Variants in WDR36 observed in about 807,000 individuals in gnomAD.
WDR36 encodes the protein WD repeat-containing protein 36.
In WDR36, 63 loss-of-function variants were observed where a neutral mutation model predicts 112.7. The observed-to-expected ratio is 0.56, with a 90% confidence interval of 0.46 to 0.69. The LOEUF is 0.69. Ranked by LOEUF, WDR36 falls within the 30% of genes least tolerant of loss-of-function variation. The pLI, the probability that WDR36 is intolerant of heterozygous loss-of-function variation, is 0.00. For synonymous variants in WDR36, 410 were observed against 362.2 expected, an observed-to-expected ratio of 1.13 and a Z score of -1.50; for missense variants, 1,226 against 1,070.3, an observed-to-expected ratio of 1.15 and a Z score of -2.03.
Position 111,119,014 on chromosome 5 carries a change from C to T in WDR36, c.1798C>T (p.Leu600Phe). The T allele has an allele frequency of 6.2e-7, 1 of 1,611,378 alleles. No individual in the cohort carries two copies. ...IRTWDLPSGCLIDCFLLDSAP... is the reference protein window; with the variant it reads ...IRTWDLPSGCFIDCFLLDSAP... ...TTAACATGTTAATTATTTCTGTAGC[C>T]TTATAGACTGCTTTTTGTTGGACTC... Residue 600 changes from leucine to phenylalanine, a missense_variant and splice_region_variant, in exon 17 of 23, where the codon CTT becomes TTT. Transcript: ENST00000513710.
Position 111,123,836 on chromosome 5 carries a change from T to A in WDR36, c.2180T>A (p.Val727Glu). The A allele has an allele frequency of 6.2e-7, 1 of 1,613,916 alleles. No individual in the cohort carries two copies. Among genetic ancestry groups the A allele is most frequent in the South Asian group, 1.1e-5 (1 of 91,084 alleles). The part of the protein sequence containing the change: ...KKNKPKEPPK[V>E]PKSAPFFIPT... ...AATAAACCAAAGGAACCACCCAAAG[T>A]ACCCAAATCAGCACCATTTTTCATT... is the stretch of plus-strand genomic sequence containing the variant. Residue 727 changes from valine to glutamate, a missense_variant, in exon 20 of 23, where the codon GTA becomes GAA. Transcript: ENST00000513710.
rs776521620 is a variant in WDR36 at position 111,098,805 on chromosome 5, T to C, written c.375T>C (p.Asp125=). The C allele has an allele frequency of 5.0e-6, 8 of 1,611,972 alleles. No homozygotes were observed. Among genetic ancestry groups the C allele is most frequent in the Middle Eastern group, 1.6e-4 (1 of 6,076 alleles). The change falls in exon 4 of 23, where the codon GAT becomes GAC. Residue 125 remains aspartate, a synonymous_variant. Transcript: ENST00000513710. The stretch of plus-strand genomic sequence containing the variant: ...ACCACATTATCTCTGTTGATACTGA[T>C]GGCATTCTTATTATTTGGCACATAT... ...FGDHIISVDT[D]GILIIWHIYS...
In WDR36 at chr5:111,106,073, G is replaced by T; in HGVS notation, c.1110G>T (p.Lys370Asn). ...KSLGHGLINK[K>N]RVKRKGLQNT... ...CATCCTTAGGATTAATAAATAAAAA[G>T]AGAGTTAAACGTAAAGGACTTCAGA... Residue 370 changes from lysine (K) to asparagine (N), a missense_variant, in exon 11 of 23, where the codon AAG (lysine) becomes AAT (asparagine). Lys to Asn is a moderately conservative substitution (Grantham distance 94). Transcript: ENST00000513710. 1 of 1,609,346 alleles carries T rather than the reference G, an allele frequency of 6.2e-7. No homozygotes were observed. The highest frequency in any genetic ancestry group is 8.5e-7 in the Non-Finnish European group (1 of 1,176,586).
rs191350620 is a variant in WDR36 at position 111,130,096 on chromosome 5, G to A, written c.*3213G>A. 2 of 210,080 alleles carry A rather than the reference G, an allele frequency of 9.5e-6. No individual in the cohort carries two copies. The highest frequency in any genetic ancestry group is 1.9e-4 in the South Asian group (1 of 5,328). 13.0% of individuals were successfully genotyped at this position (210,080 alleles called of 1,614,324 possible). ...ATAAAAATTGGTTAACTGCTGGTGA[G>A]CACATCTCTTGAAGTTTTGATATGG... is the stretch of plus-strand genomic sequence containing the variant. On this transcript the variant is annotated 3_prime_UTR_variant, in exon 23 of 23. Transcript: ENST00000513710.
chr5:111,105,973 C>A, intron 10 of WDR36, 84 bp from the exon 11 acceptor site: 7 of 1,073,672 alleles, frequency 6.5e-6, no homozygotes, highest in South Asian at 6.4e-5. Context: ...TTTATAGTTA[C>A]AAGACTGATA....
At chr5:111,103,663 C>T in intron 6 of WDR36, 123 bp from the exon 7 acceptor site, 1 of 1,259,828 alleles carries the variant, frequency 7.9e-7, no homozygotes, top group Non-Finnish European at 1.1e-6. Context: ...CTGAGTTTTT[C>T]TGCCATCTTT....
intron 16 of WDR36, among the ~76,000 whole-genome samples, chr5:111,117,885 T>C (rs1459270611): frequency 6.6e-6 from 1 of 152,100 alleles, no homozygotes; most frequent in Admixed American, 6.6e-5. Flanking sequence ...GCCTAAGGGG[T>C]CTTTCAGCAG....
chr5:111,092,739 C>A, intron 1 of WDR36, 121 bp downstream of exon 1: 1 of 1,198,508 alleles, frequency 8.3e-7, no homozygotes, highest in Non-Finnish European at 1.2e-6. Context: ...TAACCCCTCC[C>A]TGTCCTATTA....
intron 5 of WDR36, among the ~76,000 whole-genome samples, chr5:111,101,508 A>G (rs939921079): frequency 1.3e-5 from 2 of 151,900 alleles, no homozygotes; most frequent in African/African-American, 4.8e-5. Flanking sequence ...TCCCATAGAT[A>G]TGGCAAATAT....
chr5:111,098,678 G>A (rs908918706), intron 3 of WDR36, 44 bp from the exon 4 acceptor site: 2 of 1,209,472 alleles, frequency 1.7e-6, no homozygotes, highest in Non-Finnish European at 2.5e-6. Context: ...ATGACATGAT[G>A]ACTGAGTAAT....
chr5:111,125,351 C>T (rs1159524275), intron 21 of WDR36, among the ~76,000 whole-genome samples: 1 of 151,978 alleles, frequency 6.6e-6, no homozygotes, highest in Non-Finnish European at 1.5e-5. Flanking sequence ...ATTAGATTTT[C>T]TTTATTAACA....
rs140990301 is a variant in WDR36 at position 111,118,677 on chromosome 5, A to G, written c.1797-336A>G. On this transcript the variant is annotated intron_variant, in intron 16 of 22. Transcript: ENST00000513710. ...GATAATTAGATTTATTTTAAATGTT[A>G]TATCTTTAGAATTGTCTCCAAGTCA... is the stretch of plus-strand genomic sequence containing the variant. Among the ~76,000 whole-genome samples, 1,210 of 152,282 alleles carry G rather than the reference A, an allele frequency of 7.9e-3. 10 individuals are homozygous for G. Among genetic ancestry groups the G allele is most frequent in the Middle Eastern group, 0.041 (12 of 294 alleles).
At position 111,104,837 on chromosome 5, in the gene WDR36, T is replaced by C. The variant is rs1183741884; in HGVS notation, c.1027+20T>C. The C allele has an allele frequency of 1.2e-6, 2 of 1,610,080 alleles. No homozygotes were observed. The highest frequency in any genetic ancestry group is 1.7e-6 in the Non-Finnish European group (2 of 1,177,096). On this transcript the variant is annotated intron_variant, in intron 9 of 22. Coordinates refer to ENST00000513710, the MANE Select transcript of WDR36 (RefSeq NM_139281.3). ...GTGCAAGTGAGCTTCTGCTTCATAC[T>C]ATTAGTTTATTTCAGCAAGTATTGA...
chr5:111,101,791 A>G (rs1441150394), intron 5 of WDR36, among the ~76,000 whole-genome samples: 1 of 151,860 alleles, frequency 6.6e-6, no homozygotes, highest in Non-Finnish European at 1.5e-5. Context: ...TGCTAGGTTC[A>G]GCAATAGTGA....
chr5:111,119,140 T>C lies in WDR36; in HGVS notation c.1904+20T>C. 3 of 1,573,650 alleles carry C rather than the reference T, an allele frequency of 1.9e-6. No homozygotes were observed. Among genetic ancestry groups the C allele is most frequent in the Non-Finnish European group, 2.6e-6 (3 of 1,143,386 alleles). Reference sequence around the variant, plus strand: ...TCTATGGTAAGTTCTTTCATACAGTTCTGTTTTGGGATGAAGAAGATTGTA... The same window carrying C: ...TCTATGGTAAGTTCTTTCATACAGTCCTGTTTTGGGATGAAGAAGATTGTA... On this transcript the variant is annotated intron_variant, in intron 17 of 22. Coordinates refer to ENST00000513710, the MANE Select transcript of WDR36 (RefSeq NM_139281.3).
rs749684050 is a variant in WDR36, at chr5:111,104,282, C to T, written c.836C>T (p.Ala279Val). The part of the protein sequence containing the change: ...INQMRNAHST[A>V]IAGLTFLHRE... ...CAAATGAGAAATGCACACTCTACAG[C>T]AATTGCCGGACTGACATTTCTCCAT... The change falls in exon 8 of 23, where the codon GCA (alanine) becomes GTA (valine). Residue 279 changes from alanine to valine, a missense_variant. Coordinates refer to ENST00000513710, the MANE Select transcript of WDR36 (RefSeq NM_139281.3). 4 of 1,612,116 alleles carry T rather than the reference C, an allele frequency of 2.5e-6. No homozygotes were observed. Among genetic ancestry groups the T allele is most frequent in the East Asian group, 2.2e-5 (1 of 44,834 alleles).
chr5:111,109,035 T>C (rs1352281321), intron 12 of WDR36, among the ~76,000 whole-genome samples: 2 of 151,328 alleles, frequency 1.3e-5, no homozygotes, highest in Non-Finnish European at 3.0e-5. Context: ...GGTTTATTTA[T>C]TTTTGCTTTG....
chr5:111,129,896 C>G lies in WDR36; in HGVS notation c.*3013C>G, dbSNP rs143019353. On this transcript the variant is annotated 3_prime_UTR_variant, in exon 23 of 23. Transcript: ENST00000513710. The stretch of plus-strand genomic sequence containing the variant: ...TTGATTTTTCTGAAGAGTGAAACAG[C>G]GCTGCTTCCAATATCTGTTCAAAAT... 3 of 209,416 alleles carry G rather than the reference C, an allele frequency of 1.4e-5. No homozygotes were observed. Among genetic ancestry groups the G allele is most frequent in the African/African-American group, 4.5e-5 (2 of 44,098 alleles). The allele number at this position is 209,416 out of a possible 1,614,324, so 13.0% of individuals were successfully genotyped here.
intron 9 of WDR36, 137 bp downstream of exon 9, chr5:111,104,954 G>T: frequency 7.7e-7 from 1 of 1,304,806 alleles, no homozygotes; most frequent in Non-Finnish European, 1.1e-6. Context: ...AAAACTAAGA[G>T]TCCTTTTTGT....
Sources: gnomAD v4.1 joint callset for allele counts (sites outside exome capture counted in the v4.1 genomes callset) on GRCh38, gnomAD v4.1.1 for gene constraint, MANE v1.5 for transcripts, NCBI Gene and HGNC (gene_info 2026-07-23, HGNC 2026-07-21) for gene names.